The following AKT3 variants were observed in gnomAD, a reference collection of about 807,000 sequenced individuals.
AKT3 encodes the protein RAC-gamma serine/threonine-protein kinase.
A neutral mutation model predicts 65.3 loss-of-function variants in AKT3; 15 were observed. The observed-to-expected ratio is 0.23, with a 90% CI of 0.15 to 0.35. The LOEUF is 0.35. Among genes scored for constraint, AKT3 ranks in the 10% least tolerant of loss-of-function variants. The pLI is 1.00. For synonymous variants in AKT3, 206 were observed against 183.8 expected (o/e 1.12, Z -0.98); for missense variants, 243 against 576.5 (o/e 0.42, Z 5.92).
chr1:243,600,510 CAT>C (rs1676932407), intron 8 of AKT3, among the ~76,000 whole-genome samples: 1 of 152,188 alleles, frequency 6.6e-6, no homozygotes, highest in South Asian at 2.1e-4. Flanking sequence ...TCGACCCACA[CAT>C]ATATGACTGA....
chr1:243,543,672 C>G (rs1241455216), intron 12 of AKT3, among the ~76,000 whole-genome samples: 1 of 152,120 alleles, frequency 6.6e-6, no homozygotes, highest in Non-Finnish European at 1.5e-5. Flanking sequence ...GCATGCAACT[C>G]ATAAGGAACA....
intron 2 of AKT3, among the ~76,000 whole-genome samples, chr1:243,699,663 C>T (rs983221057): frequency 5.3e-5 from 8 of 151,020 alleles, no homozygotes; most frequent in African/African-American, 2.0e-4. Flanking sequence ...AGTGGTGGAC[C>T]CTCGAATGAT....
intron 4 of AKT3, among the ~76,000 whole-genome samples, chr1:243,657,895 A>G (rs1681937902): frequency 6.6e-6 from 1 of 152,222 alleles, no homozygotes; most frequent in African/African-American, 2.4e-5. Context: ...ATGTGGAAAT[A>G]TAATGCTGCT....
rs1231135659 is a variant in AKT3 at position 243,843,060 on chromosome 1, C to T, written c.46+65G>A. ...ACAGTATCAGAAAAAAGATCAACTT[C>T]TAAGACACCACTCACTGCTAGCACT... On this transcript the variant is annotated intron_variant, in intron 2 of 13. Transcript: ENST00000673466. The T allele has an allele frequency of 4.5e-6, 7 of 1,543,510 alleles. No individual in the cohort carries two copies. In the South Asian group the frequency reaches 5.8e-5, roughly 13 times the overall value.
chr1:243,749,227 G>A (rs991034930), intron 2 of AKT3, among the ~76,000 whole-genome samples: 2 of 151,924 alleles, frequency 1.3e-5, no homozygotes, highest in African/African-American at 2.4e-5. Context: ...CATTTTATGT[G>A]GAACTCTTCT....
At chr1:243,601,578 G>T (rs1442919912) in intron 8 of AKT3, among the ~76,000 whole-genome samples, 2 of 152,018 alleles carry the variant, frequency 1.3e-5, no homozygotes, top group Non-Finnish European at 2.9e-5. Context: ...TACCCAAGAA[G>T]ATTAAAAATA....
intron 3 of AKT3, among the ~76,000 whole-genome samples, chr1:243,680,024 A>G (rs1211067093): frequency 1.3e-5 from 2 of 152,214 alleles, no homozygotes; most frequent in Non-Finnish European, 2.9e-5. Flanking sequence ...AGAACACCCT[A>G]TAGAGACAGA....
intron 2 of AKT3, among the ~76,000 whole-genome samples, chr1:243,759,763 T>C (rs1173745741): frequency 6.6e-6 from 1 of 152,064 alleles, no homozygotes; most frequent in Non-Finnish European, 1.5e-5. Context: ...GAGATGGTAA[T>C]ACGAAAATCA....
At chr1:243,805,379 T>C (rs1692659633) in intron 2 of AKT3, among the ~76,000 whole-genome samples, 1 of 152,126 alleles carries the variant, frequency 6.6e-6, no homozygotes, top group Non-Finnish European at 1.5e-5. Context: ...CCTACCACAC[T>C]AGCACGTTCC....
rs115723872 is a variant in AKT3, at chr1:243,844,631, T to G, written c.-112-1349A>C. Among the ~76,000 whole-genome samples the G allele has an allele frequency of 5.1e-3, 781 of 152,246 alleles. 10 individuals are homozygous for G. Among genetic ancestry groups the G allele is most frequent in the African/African-American group, 0.018 (741 of 41,538 alleles). The stretch of plus-strand genomic sequence containing the variant: ...GCTGGACTACAGGCAGGCATCACCA[T>G]GCCTAGCTAATTTTTAAAAAAAATT... On this transcript the variant is annotated intron_variant, in intron 1 of 13. Transcript: ENST00000673466.
intron 4 of AKT3, among the ~76,000 whole-genome samples, chr1:243,660,451 G>GA (rs959394778): frequency 6.6e-6 from 1 of 151,950 alleles, no homozygotes; most frequent in South Asian, 2.1e-4. Context: ...CAGAACCAAA[G>GA]AAAAAAACCA....
At chr1:243,850,298 C>CGGCGGCGGT (rs1695720155), upstream of AKT3, among the ~76,000 whole-genome samples, 2 of 123,460 alleles carry the variant, frequency 1.6e-5, no homozygotes, top group Admixed American at 1.6e-4. Context: ...GAGCGGGAGG[C>CGGCGGCGGT]GGCGGCGGCG....
intron 8 of AKT3, among the ~76,000 whole-genome samples, chr1:243,605,550 C>T (rs1029312251): frequency 4.6e-5 from 7 of 152,168 alleles, no homozygotes; most frequent in Non-Finnish European, 4.4e-5. Context: ...AGAATAATCA[C>T]ATCATTTAAA....
chr1:243,664,310 C>A (rs1050852157), intron 4 of AKT3, among the ~76,000 whole-genome samples: 2 of 149,766 alleles, frequency 1.3e-5, no homozygotes, highest in Admixed American at 1.3e-4. Context: ...CATTCTCCTG[C>A]CTCAGCCTCC....
chr1:243,656,389 T>C (rs1558689467), intron 4 of AKT3, among the ~76,000 whole-genome samples: 1 of 152,146 alleles, frequency 6.6e-6, no homozygotes, highest in Non-Finnish European at 1.5e-5. Flanking sequence ...AGGAATGGCT[T>C]AGGAAGAACT....
At chr1:243,719,255 C>T (rs1229768679) in intron 2 of AKT3, among the ~76,000 whole-genome samples, 1 of 152,128 alleles carries the variant, frequency 6.6e-6, no homozygotes, top group Admixed American at 6.5e-5. Context: ...TTTCATAATG[C>T]CCCCCTACTC....
At chr1:243,831,611 T>C (rs577167609) in intron 2 of AKT3, among the ~76,000 whole-genome samples, 2 of 152,266 alleles carry the variant, frequency 1.3e-5, no homozygotes, top group African/African-American at 2.4e-5. Context: ...TCAAAGGGTA[T>C]AGAAACTATG....
At chr1:243,548,180 A>T (rs1185558643) in intron 11 of AKT3, 3 of 152,238 alleles carry the variant, frequency 2.0e-5, no homozygotes, top group Non-Finnish European at 4.4e-5. Flanking sequence ...ATGCGTCAAC[A>T]TAGTCTGCAT....
intron 3 of AKT3, among the ~76,000 whole-genome samples, chr1:243,673,611 ATTT>A (rs11386712): frequency 3.2e-5 from 4 of 124,160 alleles, no homozygotes. Context: ...TAATTATGAG[ATTT>A]TTTTTTTTTT....
Sources: allele counts gnomAD v4.1 joint callset (sites outside exome capture counted in the v4.1 genomes callset), GRCh38; gene constraint gnomAD v4.1.1; transcripts MANE v1.5; gene names NCBI Gene and HGNC (gene_info 2026-07-23, HGNC 2026-07-21).